Variants in TMIGD3 observed in about 807,000 individuals in gnomAD.
The protein encoded by TMIGD3 is transmembrane and immunoglobulin domain containing 3, also known as AD026 protein (AD026).
TMIGD3 carries 21 observed loss-of-function variants against 28.1 expected under a neutral mutation model. The ratio of observed to expected loss-of-function variants is 0.75; its 90% confidence interval spans 0.53 to 1.08. The LOEUF (loss-of-function observed/expected upper bound fraction) is 1.08, where lower values mean the gene tolerates loss of function less well. TMIGD3 is among the 50% of genes least tolerant of loss of function. The pLI is 0.00. For missense variants in TMIGD3, 416 were observed against 435.6 expected (o/e 0.96, Z 0.40); for synonymous variants, 151 against 162.1 (o/e 0.93, Z 0.52).
At chr1:111,495,334 T>C (rs574841197) in intron 1 of TMIGD3, among the ~76,000 whole-genome samples, 13 of 152,282 alleles carry the variant, frequency 8.5e-5, no homozygotes, top group African/African-American at 3.1e-4. Flanking sequence ...AAAGAAGACA[T>C]ACATGTGGCC....
At chr1:111,530,473 A>G (rs1656422574) in intron 1 of TMIGD3, among the ~76,000 whole-genome samples, 1 of 152,188 alleles carries the variant, frequency 6.6e-6, no homozygotes, top group African/African-American at 2.4e-5. Flanking sequence ...CTGCCAATAG[A>G]ACTTCCTTTA....
intron 1 of TMIGD3, among the ~76,000 whole-genome samples, chr1:111,523,228 T>C (rs1021446646): frequency 2.0e-5 from 3 of 152,240 alleles, no homozygotes; most frequent in African/African-American, 7.2e-5. Flanking sequence ...TCTGCATCTA[T>C]TGACACAATG....
At chr1:111,549,909 T>C (rs2800899) in intron 1 of TMIGD3, among the ~76,000 whole-genome samples, 115,215 of 152,064 alleles carry the variant, frequency 0.76, 47,641 homozygotes, top group Non-Finnish European at 0.93. Flanking sequence ...TGTCCCAGCC[T>C]ACCAAAGTGC....
chr1:111,557,715 G>A (rs1051958106), intron 1 of TMIGD3, among the ~76,000 whole-genome samples: 14 of 152,056 alleles, frequency 9.2e-5, no homozygotes, highest in Admixed American at 9.2e-4. Flanking sequence ...TAAACAAATA[G>A]CCTGACAAAT....
Position 111,563,827 on chromosome 1 carries a change from A to G in TMIGD3, c.107+19T>C, listed in dbSNP as rs201099993. 232 of 1,602,216 alleles carry G rather than the reference A, an allele frequency of 1.4e-4. 1 individual carries two copies. The African/African-American group carries it at 2.9e-3, about 20-fold the overall frequency. Reference sequence around the variant, plus strand: ...CCAACCTCTGCCTCCCAGCAGCTATATTTTCTGCTATGACTCACTGTGACT... The same window carrying G: ...CCAACCTCTGCCTCCCAGCAGCTATGTTTTCTGCTATGACTCACTGTGACT... On this transcript the variant is annotated intron_variant, in intron 1 of 5. Coordinates refer to the TMIGD3 transcript ENST00000369717.
At chr1:111,489,238 T>A (rs965473480) in intron 2 of TMIGD3, among the ~76,000 whole-genome samples, 1 of 152,208 alleles carries the variant, frequency 6.6e-6, no homozygotes, top group African/African-American at 2.4e-5. Context: ...AGAATGTGAC[T>A]GTATTTGGAT....
At chr1:111,513,261 A>T (rs78165644) in intron 1 of TMIGD3, among the ~76,000 whole-genome samples, 1 of 152,238 alleles carries the variant, frequency 6.6e-6, no homozygotes, top group Non-Finnish European at 1.5e-5. Flanking sequence ...ACTCACTGCT[A>T]TAAAGGGGCC....
chr1:111,512,988 G>T (rs779598029), intron 1 of TMIGD3, among the ~76,000 whole-genome samples: 1 of 152,208 alleles, frequency 6.6e-6, no homozygotes, highest in East Asian at 1.9e-4. Context: ...CCAAGAAGCA[G>T]TGGTTTGTCA....
intron 1 of TMIGD3, among the ~76,000 whole-genome samples, chr1:111,531,724 T>C (rs1055268410): frequency 1.3e-5 from 2 of 151,998 alleles, no homozygotes; most frequent in Admixed American, 6.5e-5. Flanking sequence ...AAATTATTTA[T>C]TTATTTATTT....
chr1:111,495,533 A>G (rs1173199935), intron 1 of TMIGD3, among the ~76,000 whole-genome samples: 1 of 152,244 alleles, frequency 6.6e-6, no homozygotes, highest in Admixed American at 6.5e-5. Flanking sequence ...AATTAGTTCA[A>G]CTAGTATACT....
At chr1:111,556,007 A>G (rs1657478310) in intron 1 of TMIGD3, among the ~76,000 whole-genome samples, 1 of 152,214 alleles carries the variant, frequency 6.6e-6, no homozygotes, top group Non-Finnish European at 1.5e-5. Context: ...ATATTTGTAA[A>G]TCATGTATGT....
upstream of TMIGD3, among the ~76,000 whole-genome samples, chr1:111,505,966 G>T (rs1188802106): frequency 6.6e-6 from 1 of 152,092 alleles, no homozygotes; most frequent in African/African-American, 2.4e-5. Context: ...GCAACTCGTG[G>T]CTCAGAGTCA....
intron 1 of TMIGD3, among the ~76,000 whole-genome samples, chr1:111,528,042 C>T (rs1002373429): frequency 4.0e-5 from 6 of 151,786 alleles, no homozygotes; most frequent in Middle Eastern, 3.4e-3. Flanking sequence ...TCATGGATCA[C>T]GCTTTTGGAG....
chr1:111,534,919 A>G (rs1656589780), intron 1 of TMIGD3, among the ~76,000 whole-genome samples: 3 of 152,238 alleles, frequency 2.0e-5, no homozygotes, highest in African/African-American at 7.2e-5. Context: ...TAAGAGCTGT[A>G]TTCCGAACTA....
At chr1:111,489,872 A>T in intron 2 of TMIGD3, 1 of 527,238 alleles carries the variant, frequency 1.9e-6, no homozygotes, top group Non-Finnish European at 2.4e-6. Context: ...TGAGGAAGTC[A>T]CGCACACCAT....
intron 1 of TMIGD3, among the ~76,000 whole-genome samples, chr1:111,529,581 T>C (rs373498494): frequency 0.012 from 1,790 of 149,600 alleles, 18 homozygotes; most frequent in South Asian, 0.027. Flanking sequence ...TTAAGGAGCA[T>C]GCTGCCTTCA....
At chr1:111,515,612 G>C (rs1655834800) in intron 1 of TMIGD3, among the ~76,000 whole-genome samples, 1 of 152,226 alleles carries the variant, frequency 6.6e-6, no homozygotes, top group Admixed American at 6.5e-5. Context: ...GGCAGCACGG[G>C]CCGCTCCCCT....
In TMIGD3 at chr1:111,483,745, A is replaced by G. The variant is rs1234471440; in HGVS notation, c.986T>C (p.Leu329Ser). 5.0e-6 allele frequency: 8 copies of G among 1,614,046 alleles called. No individual in the cohort carries two copies. Among genetic ancestry groups the G allele is most frequent in the Non-Finnish European group, 6.8e-6 (8 of 1,179,888 alleles). The change falls in exon 6 of 6, where the codon TTG becomes TCG. Residue 329 changes from leucine to serine, a missense_variant. Transcript: ENST00000369716. ...AGTCAGGACACGCGAGAAGGGCTTCAAAGTGTTGCCTACTTTGTTGGGGAA... is the reference window on the plus strand; with the variant it reads ...AGTCAGGACACGCGAGAAGGGCTTCGAAGTGTTGCCTACTTTGTTGGGGAA... ...SQRNRRVGNTLKPFSRVLTPK... is the reference protein window; with the variant it reads ...SQRNRRVGNTSKPFSRVLTPK...
At chr1:111,511,906 A>G (rs1441663682) in intron 1 of TMIGD3, among the ~76,000 whole-genome samples, 6 of 152,178 alleles carry the variant, frequency 3.9e-5, no homozygotes, top group African/African-American at 1.4e-4. Context: ...ATCTTGCCCC[A>G]AATCACAGTG....
Sources: allele counts gnomAD v4.1 joint callset (sites outside exome capture counted in the v4.1 genomes callset), GRCh38; gene constraint gnomAD v4.1.1; transcripts MANE v1.5; gene names NCBI Gene and HGNC (gene_info 2026-07-23, HGNC 2026-07-21).